L3MBTL4: variants seen among roughly 807,000 people sequenced by gnomAD.
L3MBTL4 encodes lethal(3)malignant brain tumor-like protein 4.
L3MBTL4 carries 70 observed loss-of-function variants against 84.5 expected under a neutral mutation model. The observed-to-expected ratio is 0.83, with a 90% CI of 0.68 to 1.01. L3MBTL4 has a LOEUF of 1.01. Among genes scored for constraint, L3MBTL4 ranks in the 50% least tolerant of loss-of-function variants. The probability of loss-of-function intolerance (pLI) is 0.00; values close to 1 mark genes in which losing one functional copy is unlikely to be tolerated. For missense variants in L3MBTL4, 715 were observed against 754.8 expected, an observed-to-expected ratio of 0.95 and a Z score of 0.62; for synonymous variants, 274 against 259.8, an observed-to-expected ratio of 1.05 and a Z score of -0.52.
intron 16 of L3MBTL4, among the ~76,000 whole-genome samples, chr18:6,071,815 G>GAAAGAAAAA (rs1231353188): frequency 6.6e-4 from 77 of 116,254 alleles, no homozygotes; most frequent in Admixed American, 2.7e-3. Context: ...AAGAAAGAAA[G>GAAAGAAAAA]GAAAGAAAGA....
intron 1 of L3MBTL4, among the ~76,000 whole-genome samples, chr18:6,343,661 CAAAAA>C (rs1192917126): frequency 1.2e-5 from 1 of 85,828 alleles, no homozygotes. Flanking sequence ...GACACCATAT[CAAAAA>C]AAAAAAAAAA....
chr18:6,208,762 T>C (rs1376659522), intron 12 of L3MBTL4, among the ~76,000 whole-genome samples: 1 of 152,176 alleles, frequency 6.6e-6, no homozygotes, highest in Non-Finnish European at 1.5e-5. Flanking sequence ...TTAAACATAA[T>C]AGCTGGCTAT....
intron 4 of L3MBTL4, among the ~76,000 whole-genome samples, chr18:6,272,855 G>T (rs1599434093): frequency 1.7e-5 from 2 of 120,908 alleles, no homozygotes; most frequent in Non-Finnish European, 3.3e-5. Context: ...GCCTTCAGGA[G>T]CATGGGGAAA....
chr18:6,085,746 T>A (rs73378071), intron 15 of L3MBTL4, among the ~76,000 whole-genome samples: 6 of 152,178 alleles, frequency 3.9e-5, no homozygotes, highest in African/African-American at 1.4e-4. Context: ...ACCTCTTTCC[T>A]TTATAAAGCA....
At chr18:6,031,615 G>A (rs1347715702) in intron 16 of L3MBTL4, 43 of 943,834 alleles carry the variant, frequency 4.6e-5, no homozygotes, top group Middle Eastern at 5.4e-4. Flanking sequence ...TGAGCAGAGA[G>A]GACATGGCCT....
At chr18:6,235,107 G>T (rs1359177869) in intron 10 of L3MBTL4, among the ~76,000 whole-genome samples, 1 of 152,092 alleles carries the variant, frequency 6.6e-6, no homozygotes, top group Non-Finnish European at 1.5e-5. Context: ...TCATAGGTGG[G>T]AATTGAACAA....
chr18:6,304,014 C>CAAAAAAAAAAAAACAAAAAA (rs2050463251), intron 3 of L3MBTL4, among the ~76,000 whole-genome samples: 1 of 52,726 alleles, frequency 1.9e-5, no homozygotes. Context: ...AACTCCATCT[C>CAAAAAAAAAAAAACAAAAAA]AAAAAAAAAA....
rs185644675 is a variant in L3MBTL4 at position 6,247,843 on chromosome 18, T to C, written c.220-3255A>G. Among the ~76,000 whole-genome samples, 24 of 151,954 alleles carry C rather than the reference T, an allele frequency of 1.6e-4. No individual in the cohort carries two copies. In the East Asian group the frequency reaches 4.6e-3, roughly 29 times the overall value. ...TGTCTGATGCTTCCTCAAGATTTGA[T>C]TCAGGTGGTATATTTTTTTGCCAGA... is the stretch of plus-strand genomic sequence containing the variant. On this transcript the variant is annotated intron_variant, in intron 5 of 18. Transcript: ENST00000317931.
chr18:6,144,613 A>C (rs548617232), intron 13 of L3MBTL4, among the ~76,000 whole-genome samples: 2 of 152,198 alleles, frequency 1.3e-5, no homozygotes, highest in African/African-American at 4.8e-5. Context: ...TTCCTTGCCA[A>C]CCAAACTCTG....
At chr18:6,382,607 C>T (rs1455070692) in intron 1 of L3MBTL4, among the ~76,000 whole-genome samples, 1 of 152,202 alleles carries the variant, frequency 6.6e-6, no homozygotes, top group Non-Finnish European at 1.5e-5. Flanking sequence ...TAGAGGTCCA[C>T]TCCAGACCCT....
At chr18:6,340,052 C>A (rs2052534143) in intron 1 of L3MBTL4, among the ~76,000 whole-genome samples, 1 of 152,098 alleles carries the variant, frequency 6.6e-6, no homozygotes, top group Non-Finnish European at 1.5e-5. Context: ...GATTAACCTT[C>A]TCAATCTATT....
At chr18:6,120,956 G>A (rs912767467) in intron 14 of L3MBTL4, among the ~76,000 whole-genome samples, 1 of 152,034 alleles carries the variant, frequency 6.6e-6, no homozygotes, top group African/African-American at 2.4e-5. Flanking sequence ...GTGAGCTGAC[G>A]CACGTACTTC....
At chr18:6,155,198 C>T (rs1374758101) in intron 13 of L3MBTL4, among the ~76,000 whole-genome samples, 1 of 152,162 alleles carries the variant, frequency 6.6e-6, no homozygotes, top group African/African-American at 2.4e-5. Context: ...CTGTATCCTC[C>T]TCTACATGGC....
intron 16 of L3MBTL4, among the ~76,000 whole-genome samples, chr18:6,054,242 C>T (rs757174811): frequency 6.6e-6 from 1 of 152,226 alleles, no homozygotes; most frequent in Non-Finnish European, 1.5e-5. Context: ...CAGATTGTCT[C>T]ATACATTGCT....
intron 12 of L3MBTL4, among the ~76,000 whole-genome samples, chr18:6,196,248 C>T (rs952878401): frequency 4.7e-5 from 7 of 150,346 alleles, no homozygotes; most frequent in African/African-American, 1.7e-4. Flanking sequence ...AGCTCCACCT[C>T]CCGGGTTCAC....
At chr18:6,320,666 C>T (rs1471905691) in intron 1 of L3MBTL4, among the ~76,000 whole-genome samples, 1 of 152,096 alleles carries the variant, frequency 6.6e-6, no homozygotes, top group Non-Finnish European at 1.5e-5. Context: ...GACCATACTG[C>T]TCAAAACAAT....
At chr18:6,369,966 T>G (rs1299238424) in intron 1 of L3MBTL4, among the ~76,000 whole-genome samples, 1 of 151,950 alleles carries the variant, frequency 6.6e-6, no homozygotes, top group Admixed American at 6.6e-5. Flanking sequence ...AATCCCTGTC[T>G]CTACTGAAAA....
In L3MBTL4 at chr18:6,153,586, G is replaced by A. The variant is rs148168519; in HGVS notation, c.1097-15290C>T. On this transcript the variant is annotated intron_variant, in intron 13 of 18. Coordinates refer to ENST00000317931, the MANE Select transcript of L3MBTL4 (RefSeq NM_001330559.2). ...CTGAATTTATTTATTAAGTCTAAGA[G>A]TTTCTTTGTAGACTCTTTAGGGATT... 3.3e-5 allele frequency among the ~76,000 whole-genome samples: 5 copies of A among 152,148 alleles called. No individual in the cohort carries two copies. The East Asian group carries it at 9.7e-4, about 29-fold the overall frequency.
chr18:6,351,250 A>T (rs903096179), intron 1 of L3MBTL4, among the ~76,000 whole-genome samples: 1 of 152,160 alleles, frequency 6.6e-6, no homozygotes, highest in Non-Finnish European at 1.5e-5. Context: ...TGCTAAGCAA[A>T]ATAAGCCAGA....
Sources: gnomAD v4.1 joint callset for allele counts (sites outside exome capture counted in the v4.1 genomes callset) on GRCh38, gnomAD v4.1.1 for gene constraint, MANE v1.5 for transcripts, NCBI Gene and HGNC (gene_info 2026-07-23, HGNC 2026-07-21) for gene names.